Variants in DCDC1 observed in about 807,000 individuals in gnomAD.
DCDC1 encodes the protein doublecortin domain-containing protein 1.
Under a neutral mutation model 178.3 loss-of-function variants are expected in DCDC1, and 200 were observed. The observed-to-expected ratio is 1.12, with a 90% CI of 1.00 to 1.26. The LOEUF is 1.26. DCDC1 is among the 50% of genes most tolerant of loss of function. The probability of loss-of-function intolerance (pLI) is 0.00; values close to 1 mark genes in which losing one functional copy is unlikely to be tolerated. For synonymous variants in DCDC1, 690 were observed against 604.8 expected (o/e 1.14, Z -2.07); for missense variants, 1,983 against 1,749.2 (o/e 1.13, Z -2.38).
At chr11:31,118,261 TA>T (rs1249733428) in intron 11 of DCDC1, among the ~76,000 whole-genome samples, 1 of 152,168 alleles carries the variant, frequency 6.6e-6, no homozygotes, top group Non-Finnish European at 1.5e-5. Flanking sequence ...AATATGCCTG[TA>T]AACATAATTT....
At chr11:30,872,036 T>C (rs898692595) in intron 38 of DCDC1, among the ~76,000 whole-genome samples, 1 of 152,050 alleles carries the variant, frequency 6.6e-6, no homozygotes, top group Non-Finnish European at 1.5e-5. Context: ...TCAAGTTATA[T>C]ATATAAAGTG....
chr11:31,168,204 ATTGTTATTTATTTATTTT>A (rs1459637853), intron 9 of DCDC1, among the ~76,000 whole-genome samples: 1 of 151,950 alleles, frequency 6.6e-6, no homozygotes, highest in Non-Finnish European at 1.5e-5. Flanking sequence ...AACTCCTTTG[ATTGTTATTTATTTATTTT>A]TTGGATCACA....
chr11:30,955,457 C>T (rs1294204239), intron 20 of DCDC1, among the ~76,000 whole-genome samples: 1 of 152,182 alleles, frequency 6.6e-6, no homozygotes, highest in African/African-American at 2.4e-5. Flanking sequence ...TCTGAGTAGA[C>T]AATCCACCCT....
rs190894685 is a variant in DCDC1, at chr11:31,004,092, A to G, written c.2592-51524T>C. Among the ~76,000 whole-genome samples, 220 of 152,268 alleles carry G rather than the reference A, an allele frequency of 1.4e-3. 1 individual carries two copies. The highest frequency in any genetic ancestry group is 4.7e-3 in the African/African-American group (195 of 41,542). ...GGTTTCTGGGAAGATCCAAAAGGAGATATTCAATTACCTATTGAATAAAAA... is the reference window on the plus strand; with the variant it reads ...GGTTTCTGGGAAGATCCAAAAGGAGGTATTCAATTACCTATTGAATAAAAA... On this transcript the variant is annotated intron_variant, in intron 20 of 38. Transcript: ENST00000684477.
chr11:30,962,008 T>C (rs1198607355), intron 20 of DCDC1, among the ~76,000 whole-genome samples: 2 of 152,088 alleles, frequency 1.3e-5, no homozygotes, highest in Non-Finnish European at 2.9e-5. Context: ...AATATTACTC[T>C]CTAGTTTTTA....
intron 9 of DCDC1, among the ~76,000 whole-genome samples, chr11:31,172,102 T>C (rs533863381): frequency 6.6e-6 from 1 of 152,300 alleles, no homozygotes; most frequent in Non-Finnish European, 1.5e-5. Flanking sequence ...GTTACAGGTA[T>C]AAAATAGCTT....
intron 9 of DCDC1, among the ~76,000 whole-genome samples, chr11:31,221,912 C>T (rs900820649): frequency 5.3e-5 from 8 of 152,132 alleles, no homozygotes; most frequent in Admixed American, 3.9e-4. Context: ...TCAAGAGGCT[C>T]TCCCAACACT....
At chr11:31,325,051 A>T (rs1949573636) in intron 3 of DCDC1, among the ~76,000 whole-genome samples, 1 of 152,158 alleles carries the variant, frequency 6.6e-6, no homozygotes, top group African/African-American at 2.4e-5. Context: ...CCATTATAAA[A>T]ATCATTAAAT....
At chr11:31,213,445 G>T (rs968551524) in intron 9 of DCDC1, among the ~76,000 whole-genome samples, 11 of 151,892 alleles carry the variant, frequency 7.2e-5, no homozygotes, top group African/African-American at 2.7e-4. Context: ...TCAGCAGGGG[G>T]CGGTGGCTTA....
intron 9 of DCDC1, among the ~76,000 whole-genome samples, chr11:31,233,615 C>T (rs1425389058): frequency 6.6e-6 from 1 of 152,152 alleles, no homozygotes; most frequent in Non-Finnish European, 1.5e-5. Flanking sequence ...CACTGAAGGG[C>T]CTAAAGGTGT....
chr11:31,211,729 C>T (rs1312674107), intron 9 of DCDC1, among the ~76,000 whole-genome samples: 2 of 152,040 alleles, frequency 1.3e-5, no homozygotes, highest in East Asian at 1.9e-4. Flanking sequence ...TTATAGTTTA[C>T]GTTCCATATA....
At position 30,919,495 on chromosome 11, in the gene DCDC1, T is replaced by C. The variant is rs187921739; in HGVS notation, c.3293+1281A>G. On this transcript the variant is annotated intron_variant, in intron 25 of 38. Transcript: ENST00000684477. The stretch of plus-strand genomic sequence containing the variant: ...GATCTTTGCTCTCAAAAATGTTTCT[T>C]TTTTCTTACTTTCTGTTTATTTTTT... Among the ~76,000 whole-genome samples, 1,246 of 151,828 alleles carry C rather than the reference T, an allele frequency of 8.2e-3. 19 individuals are homozygous for C. The highest frequency in any genetic ancestry group is 0.029 in the African/African-American group (1,192 of 41,168).
intron 36 of DCDC1, among the ~76,000 whole-genome samples, chr11:30,888,005 A>G (rs550439702): frequency 6.7e-6 from 1 of 150,260 alleles, no homozygotes; most frequent in East Asian, 1.9e-4. Context: ...TTCCGTCAAA[A>G]AAAAAAAAGA....
intron 7 of DCDC1, among the ~76,000 whole-genome samples, chr11:31,286,467 G>T (rs908225451): frequency 6.6e-6 from 1 of 151,154 alleles, no homozygotes; most frequent in South Asian, 2.1e-4. Flanking sequence ...CAAAACAATC[G>T]GGATAGGAAG....
At position 31,256,758 on chromosome 11, in the gene DCDC1, A is replaced by G. The variant is rs908016789; in HGVS notation, c.1054+8749T>C. Among the ~76,000 whole-genome samples, 21 of 152,158 alleles carry G rather than the reference A, an allele frequency of 1.4e-4. 1 individual carries two copies. Among genetic ancestry groups the G allele is most frequent in the Admixed American group, 1.2e-3 (19 of 15,272 alleles). On this transcript the variant is annotated intron_variant, in intron 8 of 38. Transcript: ENST00000684477. The stretch of plus-strand genomic sequence containing the variant: ...GGGAAATTGACCTTAAATTTTATAA[A>G]ATTATTTGCTTATTATAATAAGCAA...
At chr11:30,918,453 A>T (rs1052157047) in intron 25 of DCDC1, among the ~76,000 whole-genome samples, 1 of 152,232 alleles carries the variant, frequency 6.6e-6, no homozygotes, top group African/African-American at 2.4e-5. Context: ...ATAGACAAGT[A>T]AATGAATAAA....
chr11:31,085,859 A>G (rs746841662), intron 17 of DCDC1, among the ~76,000 whole-genome samples: 48 of 152,022 alleles, frequency 3.2e-4, no homozygotes, highest in Non-Finnish European at 6.3e-4. Context: ...AGGGGCACAC[A>G]ACCATGCTCA....
At position 30,916,934 on chromosome 11, in the gene DCDC1, C is replaced by T. The variant is rs746432043; in HGVS notation, c.3388G>A (p.Asp1130Asn). The change falls in exon 26 of 39, where the codon GAC (aspartate) becomes AAC (asparagine). Residue 1130 changes from aspartate to asparagine, a missense_variant. Physicochemically the swap from Asp to Asn is conservative, Grantham distance 23 (BLOSUM62 1). Transcript: ENST00000684477. ...TTTTCCGTTTTCTTTGGAAGACTGT[C>T]ATCCTCATCAAAGTCATGTGAAGTT... ...QETSHDFDED[D>N]SLPKKTEKGL... 29 of 1,611,106 alleles carry T rather than the reference C, an allele frequency of 1.8e-5. No individual in the cohort carries two copies. The highest frequency in any genetic ancestry group is 2.3e-5 in the Non-Finnish European group (27 of 1,178,642).
intron 2 of DCDC1, among the ~76,000 whole-genome samples, chr11:31,335,091 C>T (rs1950204005): frequency 2.0e-5 from 3 of 152,198 alleles, no homozygotes; most frequent in African/African-American, 7.2e-5. Flanking sequence ...TGTTTACCTA[C>T]TCAAGCCTCA....
Sources: gnomAD v4.1 joint callset for allele counts (sites outside exome capture counted in the v4.1 genomes callset) on GRCh38, gnomAD v4.1.1 for gene constraint, MANE v1.5 for transcripts, NCBI Gene and HGNC (gene_info 2026-07-23, HGNC 2026-07-21) for gene names.